MYO1D: variants seen among roughly 807,000 people sequenced by gnomAD.
The protein encoded by MYO1D is unconventional myosin-Id.
In MYO1D, 83 loss-of-function variants were observed where a neutral mutation model predicts 122.0. That is an observed-to-expected ratio of 0.68 (90% CI 0.57 to 0.82). The LOEUF (loss-of-function observed/expected upper bound fraction) is 0.82. Among genes scored for constraint, MYO1D ranks in the 40% least tolerant of loss-of-function variants. MYO1D has a pLI of 0.00. For missense variants in MYO1D, 1,157 were observed against 1,269.5 expected, an observed-to-expected ratio of 0.91 and a Z score of 1.35; for synonymous variants, 464 against 446.9, an observed-to-expected ratio of 1.04 and a Z score of -0.48.
At chr17:32,849,140 G>T (rs1044751156) in intron 1 of MYO1D, among the ~76,000 whole-genome samples, 1 of 151,656 alleles carries the variant, frequency 6.6e-6, no homozygotes. Flanking sequence ...AGTTAGAATG[G>T]CAATCATTAA....
At chr17:32,845,873 A>C (rs1888803043) in intron 1 of MYO1D, among the ~76,000 whole-genome samples, 2 of 152,130 alleles carry the variant, frequency 1.3e-5, no homozygotes. Flanking sequence ...TGCCCACTTA[A>C]AGTAAAGGAA....
chr17:32,719,212 G>T (rs1393087099), intron 15 of MYO1D, among the ~76,000 whole-genome samples: 1 of 152,110 alleles, frequency 6.6e-6, no homozygotes, highest in African/African-American at 2.4e-5. Context: ...CCATGAGAGA[G>T]TCTTGTCAAC....
intron 20 of MYO1D, among the ~76,000 whole-genome samples, chr17:32,626,632 A>C (rs924650318): frequency 1.3e-5 from 2 of 152,196 alleles, no homozygotes; most frequent in East Asian, 1.9e-4. Context: ...ATTTTTGCAC[A>C]TGTAAGGAAA....
chr17:32,807,748 A>C (rs1410718540), intron 1 of MYO1D, among the ~76,000 whole-genome samples: 1 of 152,176 alleles, frequency 6.6e-6, no homozygotes, highest in African/African-American at 2.4e-5. Context: ...GTGCTCAGGG[A>C]TTGCCTGGAG....
chr17:32,599,238 TCAA>T, intron 21 of MYO1D, among the ~76,000 whole-genome samples: 1 of 152,370 alleles, frequency 6.6e-6, no homozygotes, highest in Non-Finnish European at 1.5e-5. Context: ...TGTCATCATT[TCAA>T]CAACGTTAAC....
At chr17:32,713,632 C>CATTATT (rs148427456) in intron 15 of MYO1D, among the ~76,000 whole-genome samples, 7 of 151,628 alleles carry the variant, frequency 4.6e-5, no homozygotes, top group African/African-American at 1.7e-4. Context: ...ACATTAAATA[C>CATTATT]ATTATTATTA....
At chr17:32,752,302 T>G (rs1444137449) in intron 11 of MYO1D, among the ~76,000 whole-genome samples, 1 of 152,164 alleles carries the variant, frequency 6.6e-6, no homozygotes, top group East Asian at 1.9e-4. Context: ...GACTTAAATA[T>G]AAAACCTGAA....
chr17:32,760,875 A>G (rs925183439), intron 8 of MYO1D, among the ~76,000 whole-genome samples: 7 of 152,154 alleles, frequency 4.6e-5, no homozygotes, highest in Non-Finnish European at 1.0e-4. Context: ...AATTCCAACG[A>G]CACTCTCCAG....
chr17:32,716,173 C>T lies in MYO1D; in HGVS notation c.1914-3978G>A, dbSNP rs544617167. On this transcript the variant is annotated intron_variant, in intron 15 of 21. Transcript: ENST00000318217. ...TCCTTCCTACTTCAGGGTCTTTGCA[C>T]ATGCTGTTCCCACTGCCCGGAATGC... Among the ~76,000 whole-genome samples, 5 of 152,354 alleles carry T rather than the reference C, an allele frequency of 3.3e-5. No individual in the cohort carries two copies. The East Asian group carries it at 9.6e-4, about 29-fold the overall frequency.
Position 32,492,631 on chromosome 17 carries a change from C to T in MYO1D, c.*2128G>A, listed in dbSNP as rs894169262. 1 of 152,532 alleles carries T rather than the reference C, an allele frequency of 6.6e-6. No individual in the cohort carries two copies. Among genetic ancestry groups the T allele is most frequent in the South Asian group, 2.1e-4 (1 of 4,826 alleles). The allele number at this position is 152,532 out of a possible 1,614,324, so 9.4% of individuals were successfully genotyped here. A position where few individuals can be genotyped will look rare whatever the true frequency, so the allele number is the denominator to read the frequency against. On this transcript the variant is annotated 3_prime_UTR_variant, in exon 22 of 22. Transcript: ENST00000318217. ...AAATAAGATTTAATGCTTTATTGCT[C>T]TTGATGGCAAATCAAAATATGCTTT... is the stretch of plus-strand genomic sequence containing the variant.
At chr17:32,837,850 AC>A (rs1452651251) in intron 1 of MYO1D, among the ~76,000 whole-genome samples, 2 of 152,174 alleles carry the variant, frequency 1.3e-5, no homozygotes, top group Non-Finnish European at 2.9e-5. Flanking sequence ...AATCGAAATT[AC>A]TTTTGTTTAG....
At chr17:32,553,082 A>G (rs1417660791) in intron 21 of MYO1D, among the ~76,000 whole-genome samples, 2 of 139,174 alleles carry the variant, frequency 1.4e-5, no homozygotes, top group Non-Finnish European at 1.5e-5. Flanking sequence ...TAAGACAAAA[A>G]AAAAAAAACA....
At chr17:32,663,075 G>A (rs1047139317) in intron 16 of MYO1D, among the ~76,000 whole-genome samples, 4 of 151,880 alleles carry the variant, frequency 2.6e-5, no homozygotes, top group African/African-American at 7.3e-5. Flanking sequence ...CTGCCACCAC[G>A]CCTGGCTAAC....
intron 21 of MYO1D, among the ~76,000 whole-genome samples, chr17:32,571,505 G>A (rs540771809): frequency 6.6e-6 from 1 of 152,116 alleles, no homozygotes; most frequent in Non-Finnish European, 1.5e-5. Flanking sequence ...GTGGGGTCGC[G>A]TTGATAATTC....
intron 8 of MYO1D, among the ~76,000 whole-genome samples, chr17:32,762,898 CA>C (rs972012674): frequency 2.8e-4 from 39 of 138,716 alleles, no homozygotes; most frequent in African/African-American, 9.8e-4. Flanking sequence ...AAAAAAAAGA[CA>C]AAAAAACGGC....
intron 16 of MYO1D, among the ~76,000 whole-genome samples, chr17:32,681,468 T>C (rs1306954477): frequency 9.5e-5 from 14 of 146,998 alleles, no homozygotes; most frequent in Non-Finnish European, 1.9e-4. Context: ...TTCTCGTTGG[T>C]TTCAAAGAAC....
At chr17:32,699,674 A>G (rs1421587975) in intron 16 of MYO1D, among the ~76,000 whole-genome samples, 1 of 152,218 alleles carries the variant, frequency 6.6e-6, no homozygotes, top group Non-Finnish European at 1.5e-5. Context: ...TTCTTTAAAA[A>G]CTTCAACCAA....
intron 1 of MYO1D, among the ~76,000 whole-genome samples, chr17:32,785,340 T>A (rs1325505015): frequency 1.3e-5 from 2 of 152,348 alleles, no homozygotes; most frequent in East Asian, 3.9e-4. Flanking sequence ...CTACTAGGTA[T>A]GGTATTAACA....
chr17:32,510,322 G>A (rs1471567657), intron 21 of MYO1D: 3 of 152,280 alleles, frequency 2.0e-5, no homozygotes, highest in African/African-American at 7.2e-5. Flanking sequence ...ACGATGCTGA[G>A]GTTTGGACAT....
Sources: gnomAD v4.1 joint callset for allele counts (sites outside exome capture counted in the v4.1 genomes callset) on GRCh38, gnomAD v4.1.1 for gene constraint, MANE v1.5 for transcripts, NCBI Gene and HGNC (gene_info 2026-07-23, HGNC 2026-07-21) for gene names.